Variants in NXN observed in about 807,000 individuals in gnomAD.
NXN encodes the protein nucleoredoxin 1.
In NXN, 16 loss-of-function variants were observed where a neutral mutation model predicts 48.6. The observed-to-expected ratio is 0.33, with a 90% CI of 0.22 to 0.50. NXN has a LOEUF of 0.50. NXN is among the 20% of genes least tolerant of loss of function. NXN has a pLI of 0.98. For missense variants in NXN, 492 were observed against 605.5 expected (o/e 0.81, Z 1.97); for synonymous variants, 281 against 269.6 (o/e 1.04, Z -0.41).
chr17:918,518 G>A (rs572588272), intron 1 of NXN, among the ~76,000 whole-genome samples: 3 of 152,208 alleles, frequency 2.0e-5, no homozygotes, highest in East Asian at 1.9e-4. Flanking sequence ...GGTTGAGGCC[G>A]GGCGCAGTGG....
intron 1 of NXN, among the ~76,000 whole-genome samples, chr17:842,960 GAAAGAGAGAA>G (rs1914420985): frequency 8.8e-6 from 1 of 113,122 alleles, no homozygotes; most frequent in Non-Finnish European, 1.9e-5. Flanking sequence ...AGGAAAGAAA[GAAAGAGAGAA>G]AGAGAGAAAG....
rs2067904885 is a variant in NXN, at chr17:849,837, G to C, written c.361-23759C>G. ...AGCAGAGAGAAATGGAGCTGACGGA[G>C]AGGAGGACAGATAAGGAGGGGCAGG... On this transcript the variant is annotated intron_variant, in intron 1 of 7. Transcript: ENST00000336868. This position sits in a 1 kb window ranked among gnomAD's most constrained non-coding sequence, Gnocchi z 4.2. 6.6e-6 allele frequency among the ~76,000 whole-genome samples: 1 copy of C among 152,154 alleles called. No homozygotes were observed. Among genetic ancestry groups the C allele is most frequent in the Non-Finnish European group, 1.5e-5 (1 of 68,026 alleles).
intron 1 of NXN, among the ~76,000 whole-genome samples, chr17:934,141 T>C (rs11650468): frequency 0.39 from 59,424 of 151,952 alleles, 11,831 homozygotes; most frequent in Middle Eastern, 0.51. Context: ...GTGGCTCACG[T>C]CTGTAATCCC....
chr17:857,974 T>C (rs1460084095), intron 1 of NXN, among the ~76,000 whole-genome samples: 2 of 150,504 alleles, frequency 1.3e-5, no homozygotes, highest in East Asian at 3.9e-4. Flanking sequence ...TATAAATCTT[T>C]TTTTTTTTTT....
chr17:833,191 G>A (rs1056256956), intron 1 of NXN, among the ~76,000 whole-genome samples: 3 of 152,066 alleles, frequency 2.0e-5, no homozygotes, highest in Middle Eastern at 3.4e-3. Context: ...GCACCCGGCC[G>A]AAAAGTTATT....
rs775961142 is a variant in NXN at position 803,419 on chromosome 17, G to A, written c.1125+263C>T. On this transcript the variant is annotated intron_variant, in intron 7 of 7. Coordinates refer to ENST00000336868, the MANE Select transcript of NXN (RefSeq NM_022463.5). ...GCAGCCACGGCCACTCTCCCCAGCC[G>A]CTCAGGCGGGAAGCAGCCTGGGGAC... 1.2e-4 allele frequency among the ~76,000 whole-genome samples: 18 copies of A among 152,362 alleles called. No individual in the cohort carries two copies. The South Asian group carries it at 2.3e-3, about 19-fold the overall frequency.
intron 1 of NXN, among the ~76,000 whole-genome samples, chr17:913,523 G>C (rs1180413832): frequency 6.6e-6 from 1 of 152,212 alleles, no homozygotes; most frequent in Non-Finnish European, 1.5e-5. Context: ...AGAAAGGAGA[G>C]TCGGTCAGTT....
In NXN at chr17:843,045, A is replaced by C. The variant is rs185472480; in HGVS notation, c.361-16967T>G. Among the ~76,000 whole-genome samples the C allele has an allele frequency of 4.1e-3, 572 of 137,942 alleles. 6 individuals carry two copies. Among genetic ancestry groups the C allele is most frequent in the African/African-American group, 0.016 (542 of 32,978 alleles). The allele number at this position is 137,942 out of a possible 152,430, so 90.5% of individuals were successfully genotyped here. On this transcript the variant is annotated intron_variant, in intron 1 of 7. Coordinates refer to ENST00000336868, the MANE Select transcript of NXN (RefSeq NM_022463.5). ...GAAAGAAAGAAAGAAAGAAAGAAAG[A>C]AAGAAAGAAAGAAGGAAGAAAGCAA...
chr17:964,372 G>C (rs2069277741), intron 1 of NXN, among the ~76,000 whole-genome samples: 1 of 152,142 alleles, frequency 6.6e-6, no homozygotes, highest in South Asian at 2.1e-4. Context: ...TCACAAGAAA[G>C]AAGGGCTTCA....
intron 4 of NXN, among the ~76,000 whole-genome samples, chr17:821,676 G>A (rs112309068): frequency 0.055 from 1,307 of 23,976 alleles, 452 homozygotes; most frequent in Middle Eastern, 0.19. Context: ...GCGTGAACCC[G>A]GGAGGTGGAG....
intron 1 of NXN, among the ~76,000 whole-genome samples, chr17:940,526 C>T (rs761861208): frequency 6.6e-6 from 1 of 152,226 alleles, no homozygotes; most frequent in African/African-American, 2.4e-5. Flanking sequence ...AAGCCCCTAA[C>T]GAAGACATCA....
intron 1 of NXN, among the ~76,000 whole-genome samples, chr17:915,126 G>A (rs965727351): frequency 7.9e-5 from 12 of 152,032 alleles, no homozygotes; most frequent in African/African-American, 1.4e-4. Context: ...AGTAGAAATG[G>A]GGTTTCACCA....
chr17:836,452 T>C (rs1001131577), intron 1 of NXN, among the ~76,000 whole-genome samples: 1 of 152,160 alleles, frequency 6.6e-6, no homozygotes, highest in Non-Finnish European at 1.5e-5. Flanking sequence ...TGAGCAGCAT[T>C]TGAAAACAGA....
chr17:849,263 T>C lies in NXN; in HGVS notation c.361-23185A>G, dbSNP rs1488613014. ...ACCAGAGCTTCCCAGCTGGGCGCAGTGGCTCACGCCTGTAATCCCAGCACT... is the reference window on the plus strand; with the variant it reads ...ACCAGAGCTTCCCAGCTGGGCGCAGCGGCTCACGCCTGTAATCCCAGCACT... On this transcript the variant is annotated intron_variant, in intron 1 of 7. Transcript: ENST00000336868. This position sits in a 1 kb window ranked among gnomAD's most constrained non-coding sequence, Gnocchi z 4.2. Among the ~76,000 whole-genome samples the C allele has an allele frequency of 6.6e-6, 1 of 152,202 alleles. No individual in the cohort carries two copies. The highest frequency in any genetic ancestry group is 1.5e-5 in the Non-Finnish European group (1 of 68,042).
At chr17:804,275 T>C (rs1244934224) in intron 6 of NXN, among the ~76,000 whole-genome samples, 2 of 64,630 alleles carry the variant, frequency 3.1e-5, no homozygotes, top group East Asian at 2.4e-4. Flanking sequence ...GGTCAGCGGC[T>C]TTTTTTTTTT....
intron 1 of NXN, among the ~76,000 whole-genome samples, chr17:877,749 C>T (rs374709700): frequency 9.9e-5 from 15 of 152,138 alleles, no homozygotes; most frequent in African/African-American, 2.7e-4. Context: ...TGAGTTAGAG[C>T]GACTGAAGAG....
Position 979,489 on chromosome 17 carries a change from C to T in NXN, c.190G>A (p.Ala64Thr), listed in dbSNP as rs1044477260. 5.5e-5 allele frequency: 66 copies of T among 1,198,496 alleles called. No individual in the cohort carries two copies. The highest frequency in any genetic ancestry group is 6.7e-5 in the Non-Finnish European group (65 of 965,354). 74.2% of individuals were successfully genotyped at this position (1,198,496 alleles called of 1,614,324 possible). ...GCTCCCGGCCCCGGCCCGGCCGCCG[C>T]GTCCCCCCGCAGGCGCCCGTAGAAG... is the stretch of plus-strand genomic sequence containing the variant. ...AAFYGRLRGD[A>T]AAGPGPGAGA... Residue 64 changes from alanine (A) to threonine (T), a missense_variant, in exon 1 of 8, where the codon GCG becomes ACG. By Grantham distance (58) the Ala-to-Thr change is moderately conservative. This residue lies in a region of NXN where 186 missense variants were observed against 199.1 expected (regional missense o/e 0.93). Coordinates refer to ENST00000336868, the MANE Select transcript of NXN (RefSeq NM_022463.5).
intron 1 of NXN, among the ~76,000 whole-genome samples, chr17:899,149 G>A (rs1248153979): frequency 5.3e-5 from 8 of 152,044 alleles, no homozygotes; most frequent in Admixed American, 2.6e-4. Context: ...GTAGAGACGC[G>A]GTTTCACCAT....
At chr17:869,440 G>A (rs1413961301) in intron 1 of NXN, among the ~76,000 whole-genome samples, 1 of 152,188 alleles carries the variant, frequency 6.6e-6, no homozygotes, top group East Asian at 1.9e-4. Context: ...AACAGGGTTA[G>A]GAACCTACAC....
Sources: gnomAD v4.1 joint callset for allele counts (sites outside exome capture counted in the v4.1 genomes callset) on GRCh38, gnomAD v4.1.1 for gene constraint, gnomAD v4.1.1 regional missense constraint, Gnocchi (gnomAD v3.1) non-coding constraint, MANE v1.5 for transcripts, NCBI Gene and HGNC (gene_info 2026-07-23, HGNC 2026-07-21) for gene names.